COX7B2: variants seen among roughly 807,000 people sequenced by gnomAD.
COX7B2 encodes the protein cytochrome c oxidase subunit 7B2, mitochondrial.
For synonymous variants in COX7B2, 37 were observed against 32.1 expected, an observed-to-expected ratio of 1.15 and a Z score of -0.51; for missense variants, 109 against 95.9, an observed-to-expected ratio of 1.14 and a Z score of -0.57.
chr4:46,800,565 A>T (rs1282750874), intron 2 of COX7B2, among the ~76,000 whole-genome samples: 1 of 152,198 alleles, frequency 6.6e-6, no homozygotes, highest in Non-Finnish European at 1.5e-5. Context: ...AGAAGATTGA[A>T]ACTGGACTCC....
chr4:46,767,564 C>A (rs1716617835), intron 2 of COX7B2, among the ~76,000 whole-genome samples: 1 of 152,032 alleles, frequency 6.6e-6, no homozygotes, highest in African/African-American at 2.4e-5. Context: ...CTTTCCAAAG[C>A]ACACAAAACA....
intron 1 of COX7B2, among the ~76,000 whole-genome samples, chr4:46,870,111 A>G (rs62305209): frequency 0.091 from 13,862 of 152,074 alleles, 766 homozygotes; most frequent in South Asian, 0.2. Flanking sequence ...TTTACTTCAG[A>G]CATCCAGTCT....
intron 2 of COX7B2, among the ~76,000 whole-genome samples, chr4:46,838,315 T>G (rs1204970346): frequency 6.6e-6 from 1 of 152,068 alleles, no homozygotes; most frequent in Non-Finnish European, 1.5e-5. Context: ...ATCTGTAATA[T>G]TATAAGTGAT....
At chr4:46,739,961 A>G (rs1714605358) in intron 2 of COX7B2, among the ~76,000 whole-genome samples, 1 of 151,982 alleles carries the variant, frequency 6.6e-6, no homozygotes, top group Non-Finnish European at 1.5e-5. Context: ...TTTGCTGTTG[A>G]GTTAACAATG....
chr4:46,896,740 G>T (rs1719786215), intron 1 of COX7B2, among the ~76,000 whole-genome samples: 1 of 151,782 alleles, frequency 6.6e-6, no homozygotes, highest in Non-Finnish European at 1.5e-5. Flanking sequence ...TGTATTTTTT[G>T]CCAATAGCAA....
chr4:46,750,235 C>CACACACACACACAT, intron 2 of COX7B2, among the ~76,000 whole-genome samples: 1 of 150,724 alleles, frequency 6.6e-6, no homozygotes, highest in Non-Finnish European at 1.5e-5. Context: ...CACACACACA[C>CACACACACACACAT]ACACACACAT....
intron 2 of COX7B2, among the ~76,000 whole-genome samples, chr4:46,738,125 C>G (rs1714478263): frequency 6.6e-6 from 1 of 152,130 alleles, no homozygotes; most frequent in Non-Finnish European, 1.5e-5. Flanking sequence ...CTGTGCCACA[C>G]ATTGCTTTCA....
intron 2 of COX7B2, among the ~76,000 whole-genome samples, chr4:46,808,280 C>T (rs1185488727): frequency 3.3e-5 from 5 of 151,558 alleles, no homozygotes; most frequent in African/African-American, 1.2e-4. Flanking sequence ...TTTCTTGATG[C>T]TATTGTAAAT....
rs558661191 is a variant in COX7B2, at chr4:46,870,170, C to G, written c.-104-25156G>C. ...AGCTTGGTTTATTTTACTGTTACTACTCGTAAGTACATTGTAAAATCAATA... is the reference window on the plus strand; with the variant it reads ...AGCTTGGTTTATTTTACTGTTACTAGTCGTAAGTACATTGTAAAATCAATA... On this transcript the variant is annotated intron_variant, in intron 1 of 2. Transcript: ENST00000355591. 1.5e-4 allele frequency among the ~76,000 whole-genome samples: 23 copies of G among 152,008 alleles called. No individual in the cohort carries two copies. The South Asian group carries it at 4.4e-3, about 29-fold the overall frequency.
chr4:46,746,318 G>A (rs900374392), intron 2 of COX7B2, among the ~76,000 whole-genome samples: 1 of 152,202 alleles, frequency 6.6e-6, no homozygotes, highest in South Asian at 2.1e-4. Context: ...ATTTGAGGAA[G>A]AGGCAGAGAG....
intron 2 of COX7B2, among the ~76,000 whole-genome samples, chr4:46,822,574 G>GA (rs1298777351): frequency 2.0e-5 from 3 of 151,910 alleles, no homozygotes; most frequent in African/African-American, 7.3e-5. Flanking sequence ...CAAAGAAACA[G>GA]AAAAAATAAC....
intron 2 of COX7B2, among the ~76,000 whole-genome samples, chr4:46,769,778 A>T (rs923809723): frequency 2.0e-5 from 3 of 152,212 alleles, no homozygotes; most frequent in African/African-American, 4.8e-5. Context: ...GCAGAAAAAA[A>T]TTTTGACAAA....
chr4:46,796,183 A>G (rs1182120140), intron 2 of COX7B2, among the ~76,000 whole-genome samples: 6 of 140,740 alleles, frequency 4.3e-5, no homozygotes, highest in African/African-American at 1.2e-4. Flanking sequence ...CTAATTGAAT[A>G]CCCTTTATTT....
chr4:46,760,030 C>T (rs1182150093), intron 2 of COX7B2, among the ~76,000 whole-genome samples: 4 of 151,960 alleles, frequency 2.6e-5, no homozygotes, highest in African/African-American at 9.7e-5. Context: ...AACAGTTCAG[C>T]TCTTTCACCA....
At chr4:46,840,958 C>T (rs911072693) in intron 2 of COX7B2, among the ~76,000 whole-genome samples, 7 of 151,888 alleles carry the variant, frequency 4.6e-5, no homozygotes, top group South Asian at 2.1e-4. Context: ...CACTGACATA[C>T]GGAGTTGGTG....
intron 1 of COX7B2, among the ~76,000 whole-genome samples, chr4:46,850,837 C>T (rs1466325880): frequency 6.6e-6 from 1 of 151,972 alleles, no homozygotes; most frequent in Non-Finnish European, 1.5e-5. Context: ...ATTATGTGTC[C>T]AAGTACCAAA....
chr4:46,800,285 A>G (rs1036427194), intron 2 of COX7B2, among the ~76,000 whole-genome samples: 1 of 152,178 alleles, frequency 6.6e-6, no homozygotes, highest in Non-Finnish European at 1.5e-5. Flanking sequence ...ACTCATATGG[A>G]ACCAAAAATG....
intron 2 of COX7B2, among the ~76,000 whole-genome samples, chr4:46,815,533 C>T (rs911239075): frequency 1.3e-5 from 2 of 152,002 alleles, no homozygotes; most frequent in East Asian, 3.8e-4. Flanking sequence ...CAGACTTTAA[C>T]CTTGGAAATT....
intron 2 of COX7B2, among the ~76,000 whole-genome samples, chr4:46,758,530 G>GA (rs1441429629): frequency 6.6e-6 from 1 of 151,968 alleles, no homozygotes; most frequent in African/African-American, 2.4e-5. Flanking sequence ...TATTACAAGG[G>GA]AAAAATAACA....
Sources: gnomAD v4.1 joint callset for allele counts (sites outside exome capture counted in the v4.1 genomes callset) on GRCh38, gnomAD v4.1.1 for gene constraint, MANE v1.5 for transcripts, NCBI Gene and HGNC (gene_info 2026-07-23, HGNC 2026-07-21) for gene names.